The following UGT2B10 variants were observed in gnomAD, a reference collection of about 807,000 sequenced individuals.
UGT2B10 encodes the protein UDP glucuronosyltransferase family 2 member B10.
A neutral mutation model predicts 43.7 loss-of-function variants in UGT2B10; 51 were observed. That is an observed-to-expected ratio of 1.17 (90% confidence interval 0.93 to 1.47). The LOEUF (loss-of-function observed/expected upper bound fraction) is 1.47, where lower values mean the gene tolerates loss of function less well. UGT2B10 is among the 40% of genes most tolerant of loss of function. The pLI, the probability that UGT2B10 is intolerant of heterozygous loss-of-function variation, is 0.00. For missense variants in UGT2B10, 696 were observed against 617.7 expected, an observed-to-expected ratio of 1.13 and a Z score of -1.34; for synonymous variants, 225 against 209.0, an observed-to-expected ratio of 1.08 and a Z score of -0.66.
rs1355756696 is a variant in UGT2B10 at position 68,816,310 on chromosome 4, A to G, written c.291A>G (p.Ser97=). The stretch of plus-strand genomic sequence containing the variant: ...TCATGCAATTGGTTAAGAGATTGTC[A>G]GAAATTCAAAAAGATACATTTTGGT... ...NIIMQLVKRL[S]EIQKDTFWLP... is the part of the protein sequence containing the mutation. The change falls in exon 1 of 6, where the codon TCA becomes TCG. Residue 97 remains serine, a synonymous_variant. Coordinates refer to ENST00000265403, the MANE Select transcript of UGT2B10 (RefSeq NM_001075.6). The G allele has an allele frequency of 3.1e-6, 5 of 1,613,066 alleles. No homozygotes were observed. Among genetic ancestry groups the G allele is most frequent in the Admixed American group, 1.7e-5 (1 of 59,866 alleles).
chr4:68,829,026 C>T (rs1234446575), intron 5 of UGT2B10, among the ~76,000 whole-genome samples: 2 of 151,838 alleles, frequency 1.3e-5, no homozygotes, highest in East Asian at 3.9e-4. Flanking sequence ...ATTATATACC[C>T]AACAGATATG....
intron 3 of UGT2B10, among the ~76,000 whole-genome samples, chr4:68,823,416 A>G (rs1737612080): frequency 4.6e-5 from 7 of 152,242 alleles, no homozygotes; most frequent in Admixed American, 3.3e-4. Flanking sequence ...CTGAGGCAGG[A>G]GAATCCCTTG....
intron 4 of UGT2B10, 52 bp from the exon 5 acceptor site, chr4:68,827,277 G>T: frequency 6.2e-7 from 1 of 1,610,312 alleles, no homozygotes; most frequent in Non-Finnish European, 8.5e-7. Flanking sequence ...CTTTCATTGT[G>T]CATCTCATTT....
rs773840863 is a variant in UGT2B10, at chr4:68,827,328, G to C, written c.1088-1G>C. 1 of 1,612,990 alleles carries C rather than the reference G, an allele frequency of 6.2e-7. No individual in the cohort carries two copies. Among genetic ancestry groups the C allele is most frequent in the East Asian group, 2.2e-5 (1 of 44,786 alleles). ...TTTTGCTAAAATTCATCCAATCCTA[G>C]GTCATCCAAAAACCAGAGCTTTTAT... On this transcript the variant is annotated splice_acceptor_variant, in intron 4 of 5. Coordinates refer to ENST00000265403, the MANE Select transcript of UGT2B10 (RefSeq NM_001075.6). LOFTEE classifies it high-confidence loss of function.
chr4:68,831,186 T>G lies in UGT2B10; in HGVS notation c.*307T>G. On this transcript the variant is annotated 3_prime_UTR_variant, in exon 6 of 6. Coordinates refer to ENST00000265403, the MANE Select transcript of UGT2B10 (RefSeq NM_001075.6). ...ATGGCTCACTTCAGCCTCAACTTAC[T>G]AAGCTCAAGAGGTTCTCTCACCTCA... 3.5e-6 allele frequency: 1 copy of G among 288,826 alleles called. No homozygotes were observed. The highest frequency in any genetic ancestry group is 6.4e-6 in the Non-Finnish European group (1 of 156,506). 17.9% of individuals were successfully genotyped at this position (288,826 alleles called of 1,614,324 possible).
Position 68,816,217 on chromosome 4 carries a change from C to T in UGT2B10, c.198C>T (p.Asn66=), listed in dbSNP as rs570659923. The T allele has an allele frequency of 1.5e-4, 241 of 1,612,500 alleles. No homozygotes were observed. The highest frequency in any genetic ancestry group is 3.3e-4 in the Middle Eastern group (2 of 6,050). The part of the protein sequence containing the change: ...ASSASILFDP[N]DSSTLKLEVY... ...CAGCTTCCATTCTTTTTGATCCCAA[C>T]GACTCATCCACTCTTAAACTTGAAG... Residue 66 remains asparagine, a synonymous_variant, in exon 1 of 6, where the codon AAC becomes AAT. Coordinates refer to ENST00000265403, the MANE Select transcript of UGT2B10 (RefSeq NM_001075.6).
chr4:68,828,096 A>G (rs1016841184), intron 5 of UGT2B10, among the ~76,000 whole-genome samples: 1 of 151,986 alleles, frequency 6.6e-6, no homozygotes, highest in African/African-American at 2.4e-5. Flanking sequence ...ATTTTTATCA[A>G]CGCAAAAGAA....
At chr4:68,823,121 AG>A (rs540932962) in intron 3 of UGT2B10, among the ~76,000 whole-genome samples, 1,572 of 152,276 alleles carry the variant, frequency 0.01, 19 homozygotes, top group South Asian at 0.045. Context: ...GTGGTAGTAT[AG>A]CATGATTGAA....
chr4:68,830,456 C>T (rs1339736987), intron 5 of UGT2B10, 144 bp from the exon 6 acceptor site: 12 of 1,067,968 alleles, frequency 1.1e-5, no homozygotes, highest in Non-Finnish European at 1.3e-5. Context: ...TGTATGATGA[C>T]TCAAATTAAA....
At chr4:68,823,423 C>T (rs568023485) in intron 3 of UGT2B10, among the ~76,000 whole-genome samples, 6 of 152,216 alleles carry the variant, frequency 3.9e-5, no homozygotes, top group African/African-American at 7.2e-5. Context: ...AGGAGAATCC[C>T]TTGAACCAAG....
chr4:68,816,715 T>C lies in UGT2B10; in HGVS notation c.696T>C (p.Asp232=), dbSNP rs983069628. The change falls in exon 1 of 6, where the codon GAT becomes GAC. Residue 232 remains aspartate, a synonymous_variant. Transcript: ENST00000265403. The stretch of plus-strand genomic sequence containing the variant: ...AAATATTTAATATGAAGAAGTGGGA[T>C]CAGTTTTACAGTGAAGTTTTAGGTA... ...WFQIFNMKKW[D]QFYSEVLGRP... 5.6e-6 allele frequency: 9 copies of C among 1,608,476 alleles called. No homozygotes were observed. Among genetic ancestry groups the C allele is most frequent in the Non-Finnish European group, 7.6e-6 (9 of 1,177,334 alleles).
Position 68,830,656 on chromosome 4 carries a change from C to T in UGT2B10, c.1364C>T (p.Pro455Leu), listed in dbSNP as rs370105771. 5 of 1,612,986 alleles carry T rather than the reference C, an allele frequency of 3.1e-6. No individual in the cohort carries two copies. The African/African-American group carries it at 6.7e-5, about 22-fold the overall frequency. Reference sequence around the variant, plus strand: ...ATTCAACATGATCAACCAGTGAAGCCCCTGGATCGAGCAGTCTTCTGGATT... The same window carrying T: ...ATTCAACATGATCAACCAGTGAAGCTCCTGGATCGAGCAGTCTTCTGGATT... The part of the protein sequence containing the change: ...SRIQHDQPVK[P>L]LDRAVFWIEF... The change falls in exon 6 of 6, where the codon CCC (proline) becomes CTC (leucine). Residue 455 changes from proline (P) to leucine (L), a missense_variant. By Grantham distance (98) the Pro-to-Leu change is moderately conservative. Transcript: ENST00000265403.
intron 5 of UGT2B10, among the ~76,000 whole-genome samples, chr4:68,827,957 A>G (rs1472622818): frequency 6.6e-6 from 1 of 151,984 alleles, no homozygotes; most frequent in Non-Finnish European, 1.5e-5. Context: ...TATTATCTTT[A>G]TTGTAACAGA....
At chr4:68,827,674 C>G in intron 5 of UGT2B10, 126 bp downstream of exon 5, 1 of 1,435,018 alleles carries the variant, frequency 7.0e-7, no homozygotes, top group Non-Finnish European at 9.3e-7. Context: ...TTAACCAATC[C>G]GAAATCTGCT....
chr4:68,826,270 G>C, intron 3 of UGT2B10, 140 bp from the exon 4 acceptor site: 1 of 872,368 alleles, frequency 1.1e-6, no homozygotes, highest in Non-Finnish European at 1.7e-6. Context: ...AATAAAATGT[G>C]GTTATTCTTT....
At position 68,827,524 on chromosome 4, in the gene UGT2B10, T is replaced by C. The variant is rs199846640; in HGVS notation, c.1283T>C (p.Leu428Pro). 3.9e-3 allele frequency: 6,275 copies of C among 1,613,360 alleles called. 254 individuals carry two copies. The South Asian group carries it at 0.061, about 16-fold the overall frequency. ...TCGAGTACAGACCTGCTGAATGCAC[T>C]GAAGACAGTAATTAATGATCCTTCG... is the stretch of plus-strand genomic sequence containing the variant. ...TMSSTDLLNA[L>P]KTVINDPSYK... The change falls in exon 5 of 6, where the codon CTG becomes CCG. Residue 428 changes from leucine to proline, a missense_variant. Transcript: ENST00000265403.
intron 3 of UGT2B10, among the ~76,000 whole-genome samples, chr4:68,824,734 G>A (rs1055638629): frequency 6.6e-6 from 1 of 152,132 alleles, no homozygotes; most frequent in Non-Finnish European, 1.5e-5. Context: ...ACATAAAAAT[G>A]TCTTGGCTAT....
chr4:68,823,284 G>T (rs1269250728), intron 3 of UGT2B10, among the ~76,000 whole-genome samples: 1 of 152,000 alleles, frequency 6.6e-6, no homozygotes, highest in Non-Finnish European at 1.5e-5. Flanking sequence ...AAGGCGGGCA[G>T]ATCACGAGGT....
rs116598224 is a variant in UGT2B10 at position 68,826,579 on chromosome 4, G to A, written c.1087+82G>A. The A allele has an allele frequency of 1.2e-3, 1,738 of 1,460,976 alleles. 24 individuals are homozygous for A. The African/African-American group carries it at 0.023, about 19-fold the overall frequency. The allele number at this position is 1,460,976 out of a possible 1,614,324, so 90.5% of individuals were successfully genotyped here. On this transcript the variant is annotated intron_variant, in intron 4 of 5. Coordinates refer to ENST00000265403, the MANE Select transcript of UGT2B10 (RefSeq NM_001075.6). ...TAGTTCATCTCGAAGCATGCTTATT[G>A]AATATTTGTTATAGGAAAACAAAAA...
Sources: allele counts gnomAD v4.1 joint callset (sites outside exome capture counted in the v4.1 genomes callset), GRCh38; gene constraint gnomAD v4.1.1; transcripts MANE v1.5; gene names NCBI Gene and HGNC (gene_info 2026-07-23, HGNC 2026-07-21).